The following ANO6 variants were observed in gnomAD, a reference collection of about 807,000 sequenced individuals.
ANO6 encodes anoctamin-6.
ANO6 carries 106 observed loss-of-function variants against 117.5 expected under a neutral mutation model. The ratio of observed to expected loss-of-function variants is 0.90; its 90% CI spans 0.77 to 1.06. ANO6 has a LOEUF of 1.06. Ranked by LOEUF, ANO6 falls within the 50% of genes least tolerant of loss-of-function variation. The pLI, the probability that ANO6 is intolerant of heterozygous loss-of-function variation, is 0.00. For synonymous variants in ANO6, 367 were observed against 385.1 expected, an observed-to-expected ratio of 0.95 and a Z score of 0.55; for missense variants, 955 against 1,121.1, an observed-to-expected ratio of 0.85 and a Z score of 2.12.
chr12:45,292,283 AAGATT>A lies in ANO6; in HGVS notation c.71-9727_71-9723del, dbSNP rs1421981193. 2.0e-5 allele frequency among the ~76,000 whole-genome samples: 3 copies of A among 152,330 alleles called. No individual in the cohort carries two copies. The East Asian group carries it at 5.8e-4, about 29-fold the overall frequency. On this transcript the variant is annotated intron_variant, in intron 1 of 19. Coordinates refer to ENST00000320560, the MANE Select transcript of ANO6 (RefSeq NM_001025356.3). ...TAGGCAAATTCATAGAGATAGAAAAAAGATTAGAGATAACTAGGGACTGGGGAAAA... is the reference window on the plus strand; with the variant it reads ...TAGGCAAATTCATAGAGATAGAAAAAAGAGATAACTAGGGACTGGGGAAAA...
chr12:45,431,106 G>A lies in ANO6; in HGVS notation c.*1795G>A. On this transcript the variant is annotated 3_prime_UTR_variant, in exon 20 of 20. Coordinates refer to ENST00000320560, the MANE Select transcript of ANO6 (RefSeq NM_001025356.3). Reference sequence around the variant, plus strand: ...TATTGTAGGCTTTTGAATTGTCCCAGTGGATCCGGGACCCCATTTCACTGT... The same window carrying A: ...TATTGTAGGCTTTTGAATTGTCCCAATGGATCCGGGACCCCATTTCACTGT... 4 of 985,438 alleles carry A rather than the reference G, an allele frequency of 4.1e-6. No homozygotes were observed. The highest frequency in any genetic ancestry group is 4.7e-5 in the South Asian group (1 of 21,284). The allele number at this position is 985,438 out of a possible 1,614,324, so 61.0% of individuals were successfully genotyped here.
chr12:45,352,176 A>G (rs967837889), intron 7 of ANO6, among the ~76,000 whole-genome samples: 1 of 152,102 alleles, frequency 6.6e-6, no homozygotes, highest in African/African-American at 2.4e-5. Context: ...TAAACAAATG[A>G]ATGTTTGTTT....
chr12:45,295,701 C>T (rs139021659), intron 1 of ANO6, among the ~76,000 whole-genome samples: 2 of 152,172 alleles, frequency 1.3e-5, no homozygotes, highest in Non-Finnish European at 2.9e-5. Flanking sequence ...GCTAGCGTTA[C>T]AGGCATGTAC....
At chr12:45,405,309 C>T (rs959210325) in intron 15 of ANO6, among the ~76,000 whole-genome samples, 4 of 152,110 alleles carry the variant, frequency 2.6e-5, no homozygotes, top group Non-Finnish European at 4.4e-5. Flanking sequence ...CACTATGTTT[C>T]GGTAACATTG....
At chr12:45,334,016 A>G (rs1049348350) in intron 3 of ANO6, among the ~76,000 whole-genome samples, 11 of 152,212 alleles carry the variant, frequency 7.2e-5, no homozygotes, top group African/African-American at 2.6e-4. Flanking sequence ...CCAAAAACAT[A>G]GAGTATTTAA....
exon 20 of ANO6, chr12:45,439,979 T>G: frequency 1.4e-6 from 2 of 1,447,458 alleles, no homozygotes; most frequent in Non-Finnish European, 1.8e-6. Context: ...TGTGTGTCTA[T>G]TATGTGGCCA....
At chr12:45,377,297 C>A (rs918823834) in intron 9 of ANO6, among the ~76,000 whole-genome samples, 11 of 151,976 alleles carry the variant, frequency 7.2e-5, no homozygotes, top group African/African-American at 2.7e-4. Flanking sequence ...AAATTAGTAA[C>A]GAATTAAAAT....
intron 15 of ANO6, among the ~76,000 whole-genome samples, chr12:45,406,256 A>T (rs916272533): frequency 6.6e-6 from 1 of 152,264 alleles, no homozygotes; most frequent in Non-Finnish European, 1.5e-5. Context: ...CTTCAGATAC[A>T]TCACATCAGT....
At chr12:45,437,759 G>C (rs35168706) in intron 19 of ANO6, among the ~76,000 whole-genome samples, 8,428 of 151,898 alleles carry the variant, frequency 0.055, 433 homozygotes, top group East Asian at 0.3. Context: ...TAGTAGAGAC[G>C]GGGTTTTACC....
chr12:45,412,674 T>C (rs74532200), intron 16 of ANO6, among the ~76,000 whole-genome samples: 2,627 of 152,266 alleles, frequency 0.017, 39 homozygotes, highest in Non-Finnish European at 0.026. Flanking sequence ...TTGGGAGGAT[T>C]TGCAGTCCTC....
intron 1 of ANO6, among the ~76,000 whole-genome samples, chr12:45,243,435 C>A (rs1405399698): frequency 6.6e-6 from 1 of 152,166 alleles, no homozygotes; most frequent in African/African-American, 2.4e-5. Context: ...TTAGTATTGT[C>A]CACCCATGAT....
chr12:45,219,769 T>C (rs1431095613), intron 1 of ANO6, among the ~76,000 whole-genome samples: 2 of 152,198 alleles, frequency 1.3e-5, no homozygotes, highest in Non-Finnish European at 2.9e-5. Context: ...CAGAAATTAT[T>C]TCCAAAGGCG....
intron 1 of ANO6, among the ~76,000 whole-genome samples, chr12:45,255,818 G>GGTTTTTTTTTTTTTTTT (rs749001458): frequency 3.7e-5 from 3 of 81,712 alleles, no homozygotes; most frequent in African/African-American, 1.4e-4. Flanking sequence ...CTCCCTGGGT[G>GGTTTTTTTTTTTTTTTT]TTTTTTTTTT....
At chr12:45,284,398 T>C (rs1938840889) in intron 1 of ANO6, among the ~76,000 whole-genome samples, 1 of 152,224 alleles carries the variant, frequency 6.6e-6, no homozygotes, top group Non-Finnish European at 1.5e-5. Context: ...CAAAAGGAAT[T>C]CTGGCTTCTA....
At chr12:45,271,260 G>T (rs1013098759) in intron 1 of ANO6, among the ~76,000 whole-genome samples, 1 of 152,154 alleles carries the variant, frequency 6.6e-6, no homozygotes, top group Admixed American at 6.5e-5. Flanking sequence ...TAACAAAAGG[G>T]AGTATTGTGG....
intron 1 of ANO6, among the ~76,000 whole-genome samples, chr12:45,288,139 G>T (rs978557831): frequency 1.3e-5 from 2 of 152,084 alleles, no homozygotes; most frequent in Non-Finnish European, 2.9e-5. Context: ...ACCCATCTAG[G>T]TGTTAGAAAG....
intron 3 of ANO6, among the ~76,000 whole-genome samples, chr12:45,345,513 C>T (rs1290517335): frequency 6.6e-6 from 1 of 152,200 alleles, no homozygotes; most frequent in East Asian, 1.9e-4. Context: ...GTCTTGTTAA[C>T]TGCTGTGCTA....
At chr12:45,240,351 ATTTTTTTTTTTTT>A (rs57126852) in intron 1 of ANO6, among the ~76,000 whole-genome samples, 17 of 30,726 alleles carry the variant, frequency 5.5e-4, no homozygotes, top group Non-Finnish European at 8.7e-4. Flanking sequence ...GCAACCCCTG[ATTTTTTTTTTTTT>A]TTTTTTTTTT....
Position 45,378,034 on chromosome 12 carries a change from T to C in ANO6, c.1105-19T>C. On this transcript the variant is annotated intron_variant, in intron 9 of 19. Transcript: ENST00000320560. ...AAGTGGAGGATATGACTCATTTATA[T>C]GTCATTTATATTTTCCAGAAATTGT... 1 of 1,601,180 alleles carries C rather than the reference T, an allele frequency of 6.2e-7. No individual in the cohort carries two copies. Among genetic ancestry groups the C allele is most frequent in the Admixed American group, 1.7e-5 (1 of 59,980 alleles).
Sources: allele counts gnomAD v4.1 joint callset (sites outside exome capture counted in the v4.1 genomes callset), GRCh38; gene constraint gnomAD v4.1.1; transcripts MANE v1.5; gene names NCBI Gene and HGNC (gene_info 2026-07-23, HGNC 2026-07-21).